DNAH14: variants seen among roughly 807,000 people sequenced by gnomAD.
DNAH14 encodes dynein axonemal heavy chain 14.
DNAH14 carries 478 observed loss-of-function variants against 520.9 expected under a neutral mutation model. That is an observed-to-expected ratio of 0.92 (90% confidence interval 0.85 to 0.99). The LOEUF is 0.99. Ranked by LOEUF, DNAH14 falls within the 50% of genes least tolerant of loss-of-function variation. The pLI, the probability that DNAH14 is intolerant of heterozygous loss-of-function variation, is 0.00. For missense variants in DNAH14, 4,831 were observed against 5,234.5 expected (o/e 0.92, Z 2.38); for synonymous variants, 1,581 against 1,757.2 (o/e 0.90, Z 2.51).
At chr1:224,950,277 T>A (rs1272535420) in intron 1 of DNAH14, among the ~76,000 whole-genome samples, 1 of 152,174 alleles carries the variant, frequency 6.6e-6, no homozygotes, top group Non-Finnish European at 1.5e-5. Context: ...GTCCTTTTTT[T>A]ATGTCTGTGT....
chr1:225,130,915 A>G (rs1262655660), intron 27 of DNAH14, among the ~76,000 whole-genome samples: 5 of 152,168 alleles, frequency 3.3e-5, no homozygotes, highest in Non-Finnish European at 7.3e-5. Flanking sequence ...ATGCCTGTAT[A>G]AGTATTTAGT....
chr1:225,107,446 A>G (rs1429610720), intron 23 of DNAH14, among the ~76,000 whole-genome samples: 2 of 152,220 alleles, frequency 1.3e-5, no homozygotes, highest in African/African-American at 4.8e-5. Context: ...ACAAAAACTT[A>G]TTGATATGGC....
chr1:225,273,756 GC>G (rs2093380964), intron 52 of DNAH14, among the ~76,000 whole-genome samples: 1 of 152,032 alleles, frequency 6.6e-6, no homozygotes, highest in South Asian at 2.1e-4. Flanking sequence ...TTTTCTTACT[GC>G]CTGTCTTTTA....
At chr1:225,104,136 A>G (rs900897621) in intron 23 of DNAH14, among the ~76,000 whole-genome samples, 23 of 152,152 alleles carry the variant, frequency 1.5e-4, no homozygotes, top group African/African-American at 5.1e-4. Flanking sequence ...TTCTGCATCT[A>G]TTGAGATAAT....
chr1:224,993,749 A>G (rs2449288), intron 8 of DNAH14, among the ~76,000 whole-genome samples: 13,952 of 151,516 alleles, frequency 0.092, 2,064 homozygotes, highest in African/African-American at 0.31. Context: ...TTTTCTGTGT[A>G]GTTTCTGAAG....
At chr1:225,228,730 C>T (rs983579396) in intron 41 of DNAH14, among the ~76,000 whole-genome samples, 1 of 152,150 alleles carries the variant, frequency 6.6e-6, no homozygotes, top group East Asian at 1.9e-4. Context: ...GCCTGACAAA[C>T]CTGTTGCTGC....
Position 225,257,225 on chromosome 1 carries a change from A to G in DNAH14, c.6866-735A>G, listed in dbSNP as rs533883951. Among the ~76,000 whole-genome samples, 45 of 152,328 alleles carry G rather than the reference A, an allele frequency of 3.0e-4. No individual in the cohort carries two copies. In the South Asian group the frequency reaches 7.9e-3, roughly 27 times the overall value. The stretch of plus-strand genomic sequence containing the variant: ...GGGCATCCACCACTGGAGAACTGCT[A>G]TAATGTGGAAATGCATGAATTTCTG... On this transcript the variant is annotated intron_variant, in intron 44 of 85. Transcript: ENST00000682510.
intron 35 of DNAH14, 99 bp from the exon 36 acceptor site, chr1:225,167,840 A>C (rs2082181866): frequency 1.7e-6 from 1 of 589,744 alleles, no homozygotes; most frequent in Non-Finnish European, 2.8e-6. Flanking sequence ...TATCTTAAAG[A>C]GCGGTAATTG....
At chr1:225,107,417 AC>A (rs1336810598) in intron 23 of DNAH14, among the ~76,000 whole-genome samples, 1 of 151,962 alleles carries the variant, frequency 6.6e-6, no homozygotes, top group Non-Finnish European at 1.5e-5. Flanking sequence ...AGTTCCTTTT[AC>A]CTAACATCTG....
At chr1:224,944,490 C>T (rs2059656195) in intron 1 of DNAH14, among the ~76,000 whole-genome samples, 1 of 151,010 alleles carries the variant, frequency 6.6e-6, no homozygotes, top group South Asian at 2.1e-4. Flanking sequence ...AGCCCATTTA[C>T]ATTTCAGGTT....
chr1:225,312,197 T>C (rs1015307084), intron 60 of DNAH14, among the ~76,000 whole-genome samples: 1 of 152,200 alleles, frequency 6.6e-6, no homozygotes, highest in East Asian at 1.9e-4. Context: ...TATTTTATTC[T>C]TTTTGTAGCA....
chr1:225,206,860 G>A (rs2087634294), intron 40 of DNAH14, 108 bp from the exon 41 acceptor site: 1 of 985,114 alleles, frequency 1.0e-6, no homozygotes, highest in Non-Finnish European at 1.4e-6. Context: ...ACAATTCTAA[G>A]TCATATTTAT....
chr1:225,097,638 G>A (rs1476483965), intron 22 of DNAH14, among the ~76,000 whole-genome samples: 1 of 151,848 alleles, frequency 6.6e-6, no homozygotes, highest in Non-Finnish European at 1.5e-5. Context: ...GGTGGGCGTG[G>A]TGGTGGGCAT....
chr1:225,379,495 A>G (rs1298988331), intron 79 of DNAH14, among the ~76,000 whole-genome samples: 1 of 151,526 alleles, frequency 6.6e-6, no homozygotes, highest in African/African-American at 2.4e-5. Context: ...TTTTCTCTTG[A>G]TTTCTTTTAT....
At chr1:225,120,404 C>T (rs2077193303) in intron 26 of DNAH14, among the ~76,000 whole-genome samples, 2 of 152,194 alleles carry the variant, frequency 1.3e-5, no homozygotes, top group Non-Finnish European at 1.5e-5. Context: ...GAGGTTCAGA[C>T]TTGCAGCAAG....
At chr1:225,196,558 G>T (rs765304626) in intron 38 of DNAH14, among the ~76,000 whole-genome samples, 2 of 152,104 alleles carry the variant, frequency 1.3e-5, no homozygotes, top group Non-Finnish European at 2.9e-5. Context: ...GGATCAAATG[G>T]TAGCTCTACT....
intron 30 of DNAH14, 114 bp downstream of exon 30, chr1:225,145,493 T>G: frequency 1.2e-6 from 1 of 808,380 alleles, no homozygotes. Context: ...CATCAAGTAT[T>G]AACAGAACTT....
intron 8 of DNAH14, among the ~76,000 whole-genome samples, chr1:224,992,871 T>G (rs192460443): frequency 3.3e-5 from 5 of 152,196 alleles, no homozygotes; most frequent in Admixed American, 6.5e-5. Flanking sequence ...TGTGTTGAGG[T>G]ACAATCCTTC....
At chr1:225,204,644 A>G (rs1039684168) in intron 39 of DNAH14, among the ~76,000 whole-genome samples, 1 of 152,202 alleles carries the variant, frequency 6.6e-6, no homozygotes, top group African/African-American at 2.4e-5. Flanking sequence ...TCCAGGCCAA[A>G]GCATACAACC....
Sources: gnomAD v4.1 joint callset for allele counts (sites outside exome capture counted in the v4.1 genomes callset) on GRCh38, gnomAD v4.1.1 for gene constraint, MANE v1.5 for transcripts, NCBI Gene and HGNC (gene_info 2026-07-23, HGNC 2026-07-21) for gene names.